The following ROBO2 variants were observed in gnomAD, a reference collection of about 807,000 sequenced individuals.
The protein encoded by ROBO2 is roundabout homolog 2.
In ROBO2, 53 loss-of-function variants were observed where a neutral mutation model predicts 160.8. That is an observed-to-expected ratio of 0.33 (90% confidence interval 0.26 to 0.41). ROBO2 has a LOEUF of 0.41. ROBO2 is among the 10% of genes least tolerant of loss of function. The probability of loss-of-function intolerance (pLI) is 1.00; values close to 1 mark genes in which losing one functional copy is unlikely to be tolerated. For synonymous variants in ROBO2, 664 were observed against 611.7 expected (o/e 1.09, Z -1.26); for missense variants, 1,577 against 1,722.4 (o/e 0.92, Z 1.49).
intron 2 of ROBO2, among the ~76,000 whole-genome samples, chr3:77,017,831 T>C (rs1487644678): frequency 6.6e-6 from 1 of 152,202 alleles, no homozygotes; most frequent in African/African-American, 2.4e-5. Context: ...TATTTTGTTT[T>C]TGCTTTTTAT....
chr3:76,643,574 G>A (rs2090813413), intron 2 of ROBO2, among the ~76,000 whole-genome samples: 2 of 152,140 alleles, frequency 1.3e-5, no homozygotes, highest in Non-Finnish European at 1.5e-5. Flanking sequence ...AATGTACATT[G>A]AAGTCTAACC....
intron 2 of ROBO2, among the ~76,000 whole-genome samples, chr3:76,813,344 TA>T (rs1252986074): frequency 6.6e-6 from 1 of 152,138 alleles, no homozygotes; most frequent in African/African-American, 2.4e-5. Context: ...GGAACATTTT[TA>T]TGAAGTTTTG....
At chr3:76,201,223 G>C (rs1702510987) in intron 2 of ROBO2, among the ~76,000 whole-genome samples, 2 of 152,132 alleles carry the variant, frequency 1.3e-5, no homozygotes, top group Non-Finnish European at 2.9e-5. Context: ...AATCCATGCA[G>C]TGAGTTAGAA....
intron 2 of ROBO2, among the ~76,000 whole-genome samples, chr3:76,584,332 C>CG (rs1327705530): frequency 6.6e-6 from 1 of 151,836 alleles, no homozygotes; most frequent in Non-Finnish European, 1.5e-5. Context: ...ATGATTCCCC[C>CG]CCAGAATCAT....
chr3:77,622,065 T>C (rs2094913344), intron 22 of ROBO2, among the ~76,000 whole-genome samples, 162 bp from the exon 24 acceptor site: 1 of 152,168 alleles, frequency 6.6e-6, no homozygotes, highest in Non-Finnish European at 1.5e-5. Flanking sequence ...GAGGCTCGTA[T>C]TCGTAGCCAT....
chr3:77,526,790 GA>G (rs1335481369), intron 6 of ROBO2, among the ~76,000 whole-genome samples: 1 of 151,394 alleles, frequency 6.6e-6, no homozygotes, highest in Non-Finnish European at 1.5e-5. Flanking sequence ...CCCTCTGCCA[GA>G]AGAAGAAAAA....
At chr3:76,546,446 A>G (rs1003780637) in intron 2 of ROBO2, among the ~76,000 whole-genome samples, 1 of 151,876 alleles carries the variant, frequency 6.6e-6, no homozygotes, top group African/African-American at 2.4e-5. Context: ...AAGAGAAATT[A>G]AGATTATAAA....
At chr3:76,887,214 T>C (rs1024801081) in intron 2 of ROBO2, among the ~76,000 whole-genome samples, 1 of 142,074 alleles carries the variant, frequency 7.0e-6, no homozygotes, top group African/African-American at 2.6e-5. Context: ...TTTTTTTTTT[T>C]TTTTTTGGTA....
intron 2 of ROBO2, among the ~76,000 whole-genome samples, chr3:77,029,186 T>C (rs1236142879): frequency 6.6e-6 from 1 of 152,152 alleles, no homozygotes; most frequent in Non-Finnish European, 1.5e-5. Context: ...GGTGTGTGTG[T>C]ATGTGTGTGT....
intron 2 of ROBO2, among the ~76,000 whole-genome samples, chr3:77,269,204 C>T (rs112488491): frequency 6.6e-6 from 1 of 152,066 alleles, no homozygotes; most frequent in Non-Finnish European, 1.5e-5. Flanking sequence ...ATTTCATGTA[C>T]ACATATGCTG....
Position 77,245,087 on chromosome 3 carries a change from T to A in ROBO2, c.388+146747T>A, listed in dbSNP as rs181138432. Among the ~76,000 whole-genome samples the A allele has an allele frequency of 1.4e-3, 208 of 152,264 alleles. 2 individuals carry two copies. The highest frequency in any genetic ancestry group is 7.6e-4 in the Non-Finnish European group (52 of 68,022). On this transcript the variant is annotated intron_variant, in intron 2 of 25. Coordinates refer to ENST00000461745, the Ensembl canonical transcript of ROBO2. The stretch of plus-strand genomic sequence containing the variant: ...AGTAAAATGAACCAAGTTTTGTGCA[T>A]GCTGCATTTTAACAAGTTGGGTGTC...
intron 11 of ROBO2, chr3:77,564,350 G>A (rs150208451): frequency 1.9e-4 from 77 of 399,740 alleles, no homozygotes; most frequent in African/African-American, 1.4e-3. Flanking sequence ...AGATTTCACC[G>A]TTCTGAGATG....
At chr3:77,461,884 C>G (rs573120829) in intron 2 of ROBO2, among the ~76,000 whole-genome samples, 1 of 152,006 alleles carries the variant, frequency 6.6e-6, no homozygotes, top group African/African-American at 2.4e-5. Flanking sequence ...TGCCACCACA[C>G]CCAGCTAATT....
At chr3:76,928,809 T>C (rs907258958) in intron 2 of ROBO2, among the ~76,000 whole-genome samples, 1 of 152,206 alleles carries the variant, frequency 6.6e-6, no homozygotes, top group East Asian at 1.9e-4. Flanking sequence ...TTTCATTGTC[T>C]CTCACCTCCG....
intron 2 of ROBO2, among the ~76,000 whole-genome samples, chr3:76,743,790 A>G (rs1189076792): frequency 6.6e-6 from 1 of 151,858 alleles, no homozygotes; most frequent in Non-Finnish European, 1.5e-5. Context: ...TAAATTATAA[A>G]TTATTTAATA....
At chr3:77,365,386 A>G (rs903899190) in intron 2 of ROBO2, among the ~76,000 whole-genome samples, 2 of 151,874 alleles carry the variant, frequency 1.3e-5, no homozygotes, top group Non-Finnish European at 2.9e-5. Flanking sequence ...ACTGACAGCT[A>G]TTTTTTTGGG....
chr3:76,799,404 C>T (rs981272561), intron 2 of ROBO2, among the ~76,000 whole-genome samples: 2 of 151,820 alleles, frequency 1.3e-5, no homozygotes, highest in Non-Finnish European at 2.9e-5. Flanking sequence ...AAAGTAAATG[C>T]ATCCAAACTG....
chr3:77,602,673 A>C (rs3732915), intron 20 of ROBO2, among the ~76,000 whole-genome samples, 182 bp downstream of exon 21: 10 of 122,852 alleles, frequency 8.1e-5, no homozygotes, highest in South Asian at 5.6e-4. Context: ...CACCACCACC[A>C]CCACCACCAC....
intron 2 of ROBO2, among the ~76,000 whole-genome samples, chr3:76,205,401 CCTGG>C (rs1174370632): frequency 2.0e-5 from 3 of 152,046 alleles, no homozygotes; most frequent in Non-Finnish European, 4.4e-5. Context: ...AGTGGAGCAA[CCTGG>C]CTGCACTAGA....
Sources: allele counts gnomAD v4.1 joint callset (sites outside exome capture counted in the v4.1 genomes callset), GRCh38; gene constraint gnomAD v4.1.1; transcripts MANE v1.5; gene names NCBI Gene and HGNC (gene_info 2026-07-23, HGNC 2026-07-21).